The following GTF2H3 variants were observed in gnomAD, a reference collection of about 807,000 sequenced individuals.
GTF2H3 encodes the protein general transcription factor IIH subunit 3.
Under a neutral mutation model 51.1 loss-of-function variants are expected in GTF2H3, and 42 were observed. The ratio of observed to expected loss-of-function variants is 0.82; its 90% confidence interval spans 0.64 to 1.06. The LOEUF (loss-of-function observed/expected upper bound fraction) is 1.06, where lower values mean the gene tolerates loss of function less well. Ranked by LOEUF, GTF2H3 falls within the 50% of genes least tolerant of loss-of-function variation. The probability of loss-of-function intolerance (pLI) is 0.00; values close to 1 mark genes in which losing one functional copy is unlikely to be tolerated. For synonymous variants in GTF2H3, 123 were observed against 123.8 expected (o/e 0.99, Z 0.04); for missense variants, 326 against 366.1 (o/e 0.89, Z 0.89).
intron 1 of GTF2H3, among the ~76,000 whole-genome samples, chr12:123,638,450 C>A (rs138864802): frequency 5.2e-4 from 79 of 152,166 alleles, no homozygotes; most frequent in Non-Finnish European, 9.4e-4. Context: ...GGATCACAGG[C>A]ATGAGCCACC....
At chr12:123,638,818 CAG>C (rs1278468534) in intron 1 of GTF2H3, among the ~76,000 whole-genome samples, 4 of 118,340 alleles carry the variant, frequency 3.4e-5, no homozygotes, top group Admixed American at 1.0e-4. Context: ...TTTTTTGAGA[CAG>C]AGTCTTGTTC....
At chr12:123,658,495 T>G (rs757646305) in intron 9 of GTF2H3, among the ~76,000 whole-genome samples, 8 of 152,172 alleles carry the variant, frequency 5.3e-5, no homozygotes, top group South Asian at 2.1e-4. Flanking sequence ...GCGCCCGGCC[T>G]AATTTTTTAA....
At chr12:123,640,522 G>A (rs1032887883) in intron 2 of GTF2H3, among the ~76,000 whole-genome samples, 52 of 151,858 alleles carry the variant, frequency 3.4e-4, no homozygotes, top group African/African-American at 1.2e-3. Context: ...ATTTTTAGTA[G>A]AGTTGGAGTT....
intron 2 of GTF2H3, among the ~76,000 whole-genome samples, chr12:123,640,502 A>G (rs1955355088): frequency 6.6e-6 from 1 of 151,442 alleles, no homozygotes; most frequent in South Asian, 2.1e-4. Context: ...ACGCCCAGCT[A>G]ATTTTTTGTA....
chr12:123,647,012 G>A (rs1397212087), intron 3 of GTF2H3, among the ~76,000 whole-genome samples: 1 of 151,776 alleles, frequency 6.6e-6, no homozygotes, highest in Admixed American at 6.6e-5. Flanking sequence ...AATTAGCCGG[G>A]CATGGTGGCG....
chr12:123,637,345 G>T (rs1157231813), intron 1 of GTF2H3, among the ~76,000 whole-genome samples: 1 of 151,690 alleles, frequency 6.6e-6, no homozygotes, highest in Non-Finnish European at 1.5e-5. Flanking sequence ...ACCAGCCTGG[G>T]CAATTTATTG....
intron 8 of GTF2H3, 120 bp downstream of exon 8, chr12:123,655,118 C>T (rs1955571031): frequency 1.3e-6 from 1 of 753,590 alleles, no homozygotes. Context: ...GCAAGGAATC[C>T]AGAATCTGTA....
At chr12:123,652,937 G>T (rs1311040171) in intron 7 of GTF2H3, among the ~76,000 whole-genome samples, 3 of 152,010 alleles carry the variant, frequency 2.0e-5, no homozygotes, top group Middle Eastern at 3.4e-3. Context: ...AATTAGCTGG[G>T]CGTGGTGGTG....
intron 9 of GTF2H3, chr12:123,659,306 G>C: frequency 1.9e-6 from 1 of 524,818 alleles, no homozygotes; most frequent in Non-Finnish European, 3.4e-6. Flanking sequence ...GGCAGAGGTT[G>C]GAGTAAGCCG....
intron 1 of GTF2H3, among the ~76,000 whole-genome samples, chr12:123,634,996 G>A (rs1955256526): frequency 6.6e-6 from 1 of 152,194 alleles, no homozygotes; most frequent in African/African-American, 2.4e-5. Flanking sequence ...AGAGATAGGG[G>A]AGTCCTTTCA....
chr12:123,637,757 C>G (rs1955305670), intron 1 of GTF2H3, among the ~76,000 whole-genome samples: 1 of 151,376 alleles, frequency 6.6e-6, no homozygotes, highest in African/African-American at 2.4e-5. Context: ...CCCACCTCAG[C>G]CTCCCAAAGG....
chr12:123,652,948 C>T (rs546983226), intron 7 of GTF2H3, among the ~76,000 whole-genome samples: 2 of 151,906 alleles, frequency 1.3e-5, no homozygotes, highest in African/African-American at 4.8e-5. Context: ...CGTGGTGGTG[C>T]ATGCCTATAG....
intron 2 of GTF2H3, among the ~76,000 whole-genome samples, chr12:123,644,970 A>T (rs1343760082): frequency 1.3e-5 from 2 of 152,264 alleles, no homozygotes; most frequent in Non-Finnish European, 2.9e-5. Context: ...AAGTACAATT[A>T]GAAAACTATA....
chr12:123,643,332 T>C (rs1391035638), intron 2 of GTF2H3, among the ~76,000 whole-genome samples: 9 of 152,226 alleles, frequency 5.9e-5, no homozygotes, highest in Admixed American at 5.9e-4. Context: ...TACTGCTGTA[T>C]CAGTAATATT....
intron 1 of GTF2H3, among the ~76,000 whole-genome samples, chr12:123,635,383 C>A (rs1955264699): frequency 6.6e-6 from 1 of 152,028 alleles, no homozygotes; most frequent in African/African-American, 2.4e-5. Context: ...CCAGCCTGGC[C>A]AACATGGTGA....
Position 123,661,291 on chromosome 12 carries a change from A to C in GTF2H3, c.*1056A>C, listed in dbSNP as rs1036104415. 1 of 152,150 alleles carries C rather than the reference A, an allele frequency of 6.6e-6. No homozygotes were observed. The highest frequency in any genetic ancestry group is 2.4e-5 in the African/African-American group (1 of 41,440). 9.4% of individuals were successfully genotyped at this position (152,150 alleles called of 1,614,324 possible). ...ATTAAAAGTCCTTTTAGCTTCTAGC[A>C]CATATTTGTACAAAGAGTTTAAGGA... is the stretch of plus-strand genomic sequence containing the variant. On this transcript the variant is annotated 3_prime_UTR_variant, in exon 13 of 13. Coordinates refer to ENST00000543341, the MANE Select transcript of GTF2H3 (RefSeq NM_001516.5).
Position 123,660,220 on chromosome 12 carries a change from G to A in GTF2H3, c.912G>A (p.Leu304=). Residue 304 remains leucine (L), a synonymous_variant, in exon 13 of 13, where the codon CTG becomes CTA. Transcript: ENST00000543341. ...TGCTGAAAGCCAAGAAAAAGAAACT[G>A]AAAGTGTCTGCCTGAGGATAAAATA... ...PPVLKAKKKK[L]KVSA 1 of 1,609,538 alleles carries A rather than the reference G, an allele frequency of 6.2e-7. No homozygotes were observed. Among genetic ancestry groups the A allele is most frequent in the South Asian group, 1.1e-5 (1 of 90,436 alleles).
intron 8 of GTF2H3, 195 bp from the exon 9 acceptor site, chr12:123,655,576 C>T: frequency 2.1e-6 from 1 of 487,400 alleles, no homozygotes; most frequent in Non-Finnish European, 3.6e-6. Context: ...AGCTTTCTCA[C>T]CCGCTGGCTC....
chr12:123,654,821 C>A, intron 7 of GTF2H3, 103 bp from the exon 8 acceptor site: 3 of 783,272 alleles, frequency 3.8e-6, no homozygotes, highest in Non-Finnish European at 6.8e-6. Context: ...AATGGGAAGA[C>A]AAACTGGAAT....
Sources: gnomAD v4.1 joint callset for allele counts (sites outside exome capture counted in the v4.1 genomes callset) on GRCh38, gnomAD v4.1.1 for gene constraint, MANE v1.5 for transcripts, NCBI Gene and HGNC (gene_info 2026-07-23, HGNC 2026-07-21) for gene names.